Variants in SHISAL1 observed in about 807,000 individuals in gnomAD.
SHISAL1 encodes shisa like 1.
SHISAL1 carries 9 observed loss-of-function variants against 22.6 expected under a neutral mutation model. The ratio of observed to expected loss-of-function variants is 0.40; its 90% CI spans 0.24 to 0.70. The LOEUF is 0.70. Among genes scored for constraint, SHISAL1 ranks in the 30% least tolerant of loss-of-function variants. The probability of loss-of-function intolerance (pLI) is 0.39; values close to 1 mark genes in which losing one functional copy is unlikely to be tolerated. For synonymous variants in SHISAL1, 119 were observed against 115.4 expected (o/e 1.03, Z -0.20); for missense variants, 246 against 270.6 (o/e 0.91, Z 0.64).
intron 4 of SHISAL1, among the ~76,000 whole-genome samples, chr22:44,267,691 T>TC (rs985074480): frequency 1.5e-4 from 23 of 152,078 alleles, no homozygotes; most frequent in Non-Finnish European, 3.1e-4. Flanking sequence ...GCTTCCTTCC[T>TC]CCCCCACACT....
At chr22:44,282,759 C>G (rs1282650179) in intron 4 of SHISAL1, among the ~76,000 whole-genome samples, 1 of 152,166 alleles carries the variant, frequency 6.6e-6, no homozygotes, top group African/African-American at 2.4e-5. Context: ...AGAAGCCTTT[C>G]CAGGGGCTGA....
At position 44,300,184 on chromosome 22, in the gene SHISAL1, G is replaced by C. The variant is rs143448386; in HGVS notation, c.67+695C>G. 9.7e-4 allele frequency among the ~76,000 whole-genome samples: 147 copies of C among 152,076 alleles called. 2 individuals carry two copies. In the East Asian group the frequency reaches 0.025, roughly 26 times the overall value. On this transcript the variant is annotated intron_variant, in intron 2 of 4. Coordinates refer to ENST00000381176, the MANE Select transcript of SHISAL1 (RefSeq NM_001099294.2). ...AGACAGAGAGAGATAGAGATACAGA[G>C]ACAGACACAGACACACAGAGAGAGA...
intron 4 of SHISAL1, among the ~76,000 whole-genome samples, chr22:44,281,163 G>T (rs564466085): frequency 1.6e-3 from 241 of 152,262 alleles, no homozygotes; most frequent in Middle Eastern, 3.4e-3. Context: ...GCCACCTGAG[G>T]GGAGAGAAGG....
chr22:44,293,477 T>C (rs899989560), intron 3 of SHISAL1, among the ~76,000 whole-genome samples: 20 of 152,108 alleles, frequency 1.3e-4, no homozygotes, highest in Admixed American at 1.3e-3. Flanking sequence ...CATCCCACAA[T>C]GCACAGAGTG....
At chr22:44,290,535 A>AAAAAAAAAC (rs2055345650) in intron 3 of SHISAL1, among the ~76,000 whole-genome samples, 2 of 151,376 alleles carry the variant, frequency 1.3e-5, no homozygotes, top group African/African-American at 4.9e-5. Flanking sequence ...GTCTCAAAAA[A>AAAAAAAAAC]AAAAAAAAAC....
At chr22:44,271,106 A>G (rs900194620) in intron 4 of SHISAL1, among the ~76,000 whole-genome samples, 4 of 151,900 alleles carry the variant, frequency 2.6e-5, no homozygotes, top group African/African-American at 9.7e-5. Context: ...ATCCCCTTTG[A>G]TTTCATCCCC....
intron 4 of SHISAL1, among the ~76,000 whole-genome samples, chr22:44,263,835 C>G (rs1316694320): frequency 6.6e-6 from 1 of 152,214 alleles, no homozygotes; most frequent in African/African-American, 2.4e-5. Context: ...TCATGAGTCT[C>G]CTTTCCAACT....
At chr22:44,300,801 G>T in intron 2 of SHISAL1, 78 bp downstream of exon 2, 2 of 1,288,028 alleles carry the variant, frequency 1.6e-6, no homozygotes, top group Non-Finnish European at 2.2e-6. Context: ...CAGAACCCCA[G>T]ATGGGCCAGC....
chr22:44,325,104 A>G, the SHISAL1 span, among the ~76,000 whole-genome samples: 3 of 152,200 alleles, frequency 2.0e-5, no homozygotes, highest in East Asian at 3.9e-4. Flanking sequence ...TTAGCTGGGC[A>G]TGGTGGTGGG....
At chr22:44,319,982 T>C in the SHISAL1 span, among the ~76,000 whole-genome samples, 1 of 152,162 alleles carries the variant, frequency 6.6e-6, no homozygotes, top group Non-Finnish European at 1.5e-5. Context: ...CCTCCATCTC[T>C]AACAGACCAT....
chr22:44,331,314 A>C, the SHISAL1 span, among the ~76,000 whole-genome samples: 1 of 150,912 alleles, frequency 6.6e-6, no homozygotes, highest in Non-Finnish European at 1.5e-5. This position sits in a 1 kb window ranked among gnomAD's most constrained non-coding sequence, Gnocchi z 5.2. Flanking sequence ...CCTCTCCCAA[A>C]GCGCCCACCC....
rs148262409 is a variant in SHISAL1, at chr22:44,263,282, G to C, written c.*-13597C>G. On this transcript the variant is annotated intron_variant, in intron 4 of 4. Transcript: ENST00000381176. ...GATGGGGTTTTGCCATGTTGGCTAGGCTGGTCTCGAACTCCTGACCTCAGG... is the reference window on the plus strand; with the variant it reads ...GATGGGGTTTTGCCATGTTGGCTAGCCTGGTCTCGAACTCCTGACCTCAGG... Among the ~76,000 whole-genome samples, 1,404 of 152,074 alleles carry C rather than the reference G, an allele frequency of 9.2e-3. 24 individuals are homozygous for C. The highest frequency in any genetic ancestry group is 0.032 in the African/African-American group (1,337 of 41,496).
At chr22:44,301,643 T>C (rs1381247891) in intron 1 of SHISAL1, among the ~76,000 whole-genome samples, 2 of 152,068 alleles carry the variant, frequency 1.3e-5, no homozygotes, top group Admixed American at 6.5e-5. Flanking sequence ...AGTCAAAAGG[T>C]AGAGGCAACC....
At chr22:44,304,177 G>T (rs566116828) in intron 1 of SHISAL1, among the ~76,000 whole-genome samples, 1 of 152,216 alleles carries the variant, frequency 6.6e-6, no homozygotes, top group Admixed American at 6.5e-5. Context: ...CACCAACCTG[G>T]GTCCCAGGGC....
intron 3 of SHISAL1, among the ~76,000 whole-genome samples, chr22:44,295,606 T>C (rs1159940656): frequency 6.6e-6 from 1 of 152,102 alleles, no homozygotes; most frequent in Non-Finnish European, 1.5e-5. Flanking sequence ...GAGGAAACAT[T>C]TGTATGGAAA....
chr22:44,295,643 T>C (rs564367328), intron 3 of SHISAL1, among the ~76,000 whole-genome samples: 1 of 152,274 alleles, frequency 6.6e-6, no homozygotes, highest in African/African-American at 2.4e-5. Flanking sequence ...GATGGGAAGA[T>C]GTTTGCAACT....
At chr22:44,259,048 TGA>T (rs2055103925) in intron 4 of SHISAL1, among the ~76,000 whole-genome samples, 1 of 146,606 alleles carries the variant, frequency 6.8e-6, no homozygotes, top group African/African-American at 2.8e-5. Context: ...GCTGAAAACC[TGA>T]GAACATCACA....
rs557920984 is a variant in SHISAL1 at position 44,244,845 on chromosome 22, C to T, written c.*4840G>A. On this transcript the variant is annotated 3_prime_UTR_variant, in exon 5 of 5. Coordinates refer to ENST00000381176, the MANE Select transcript of SHISAL1 (RefSeq NM_001099294.2). Reference sequence around the variant, plus strand: ...AGGCTCCTCACCTCTTCTAGCTTGCCTGACTGCTTAACTTTAACATTTGAG... The same window carrying T: ...AGGCTCCTCACCTCTTCTAGCTTGCTTGACTGCTTAACTTTAACATTTGAG... 158 of 152,302 alleles carry T rather than the reference C, an allele frequency of 1.0e-3. No homozygotes were observed. The highest frequency in any genetic ancestry group is 3.6e-3 in the African/African-American group (149 of 41,556). The allele number at this position is 152,302 out of a possible 1,614,324, so 9.4% of individuals were successfully genotyped here.
At chr22:44,320,374 G>A in the SHISAL1 span, among the ~76,000 whole-genome samples, 1 of 152,240 alleles carries the variant, frequency 6.6e-6, no homozygotes, top group Non-Finnish European at 1.5e-5. Context: ...GGAGGAGAAG[G>A]CAGCAGGCAT....
Sources: gnomAD v4.1 joint callset for allele counts (sites outside exome capture counted in the v4.1 genomes callset) on GRCh38, gnomAD v4.1.1 for gene constraint, Gnocchi (gnomAD v3.1) non-coding constraint, MANE v1.5 for transcripts, NCBI Gene and HGNC (gene_info 2026-07-23, HGNC 2026-07-21) for gene names.